Variants in PEAK1 observed in about 807,000 individuals in gnomAD.
PEAK1 encodes pseudopodium enriched atypical kinase 1.
PEAK1 carries 54 observed loss-of-function variants against 124.7 expected under a neutral mutation model. The ratio of observed to expected loss-of-function variants is 0.43; its 90% CI spans 0.35 to 0.54. The LOEUF is 0.54. PEAK1 is among the 20% of genes least tolerant of loss of function. PEAK1 has a pLI of 0.01. For synonymous variants in PEAK1, 719 were observed against 760.0 expected (o/e 0.95, Z 0.89); for missense variants, 2,046 against 2,134.5 (o/e 0.96, Z 0.82).
At chr15:77,193,768 C>A (rs760238202) in intron 6 of PEAK1, among the ~76,000 whole-genome samples, 1 of 152,152 alleles carries the variant, frequency 6.6e-6, no homozygotes, top group Non-Finnish European at 1.5e-5. Flanking sequence ...TGCACCACTG[C>A]ACTCCAGCCT....
intron 5 of PEAK1, among the ~76,000 whole-genome samples, chr15:77,254,924 A>G (rs1414862875): frequency 1.3e-5 from 2 of 152,172 alleles, no homozygotes; most frequent in African/African-American, 4.8e-5. Flanking sequence ...GAGATCTTCA[A>G]TGCTCTGAAA....
rs563962815 is a variant in PEAK1, at chr15:77,411,859, G to A, written c.-666+8147C>T. On this transcript the variant is annotated intron_variant, in intron 1 of 9. Coordinates refer to ENST00000682557, the MANE Select transcript of PEAK1 (RefSeq NM_001385026.1). ...ATTCCTGGCCTCAAGTGATCCTCCC[G>A]CCTCATCCTCCAAAAGAGCTGAGAT... 3.9e-5 allele frequency among the ~76,000 whole-genome samples: 6 copies of A among 152,006 alleles called. No homozygotes were observed. In the East Asian group the frequency reaches 5.8e-4, roughly 15 times the overall value.
chr15:77,395,803 C>T (rs2070835425), intron 1 of PEAK1, among the ~76,000 whole-genome samples: 1 of 152,076 alleles, frequency 6.6e-6, no homozygotes, highest in African/African-American at 2.4e-5. Context: ...CAGACCCCTT[C>T]TATGATAAAT....
At position 77,351,902 on chromosome 15, in the gene PEAK1, T is replaced by C. The variant is rs141307228; in HGVS notation, c.-603+13261A>G. 3.0e-5 allele frequency: 30 copies of C among 985,346 alleles called. No homozygotes were observed. The African/African-American group carries it at 5.1e-4, about 17-fold the overall frequency. The allele number at this position is 985,346 out of a possible 1,614,324, so 61.0% of individuals were successfully genotyped here. A position where few individuals can be genotyped will look rare whatever the true frequency, so the allele number is the denominator to read the frequency against. On this transcript the variant is annotated intron_variant, in intron 2 of 9. Transcript: ENST00000682557. Reference sequence around the variant, plus strand: ...CAGAAAGAATAAAGTCTAAAGGTAATGAAGTCTGGTAGACCTATTATAAGA... The same window carrying C: ...CAGAAAGAATAAAGTCTAAAGGTAACGAAGTCTGGTAGACCTATTATAAGA...
intron 8 of PEAK1, among the ~76,000 whole-genome samples, chr15:77,134,088 G>T (rs2053115515): frequency 6.6e-6 from 1 of 152,124 alleles, no homozygotes; most frequent in African/African-American, 2.4e-5. Flanking sequence ...GAATATTAAG[G>T]GATGACAGAC....
At chr15:77,178,581 A>G in intron 7 of PEAK1, 1 of 571,864 alleles carries the variant, frequency 1.7e-6, no homozygotes, top group Non-Finnish European at 2.9e-6. Context: ...TACTTAAGCC[A>G]AAGATCCAGG....
At chr15:77,290,560 CTT>C (rs879445541) in intron 2 of PEAK1, among the ~76,000 whole-genome samples, 2 of 145,276 alleles carry the variant, frequency 1.4e-5, no homozygotes, top group Non-Finnish European at 3.0e-5. Context: ...GCTTCTTCTT[CTT>C]TTTTTTTTTT....
At chr15:77,283,253 T>G (rs533078477) in intron 5 of PEAK1, among the ~76,000 whole-genome samples, 6 of 152,360 alleles carry the variant, frequency 3.9e-5, no homozygotes, top group African/African-American at 1.4e-4. Context: ...GCTGTTTTCC[T>G]TATTTGATTA....
rs778104402 is a variant in PEAK1 at position 77,180,495 on chromosome 15, C to T, written c.1432G>A (p.Val478Met). The change falls in exon 7 of 10, where the codon GTG becomes ATG. Residue 478 changes from valine to methionine, a missense_variant. Transcript: ENST00000682557. ...EQPLCKPYTVVDVSAAMASEH... is the reference protein window; with the variant it reads ...EQPLCKPYTVMDVSAAMASEH... The stretch of plus-strand genomic sequence containing the variant: ...CTGGCCATGGCTGCTGACACATCCA[C>T]GACAGTATATGGCTTGCACAATGGC... 8.7e-6 allele frequency: 14 copies of T among 1,614,068 alleles called. No homozygotes were observed. The highest frequency in any genetic ancestry group is 4.5e-5 in the East Asian group (2 of 44,870).
chr15:77,313,702 A>ATATATATATATG (rs1213561861), intron 2 of PEAK1, among the ~76,000 whole-genome samples: 2 of 119,444 alleles, frequency 1.7e-5, no homozygotes, highest in African/African-American at 7.2e-5. Flanking sequence ...GTATATATAT[A>ATATATATATATG]TATGTATGTG....
In PEAK1 at chr15:77,403,011, C is replaced by T. The variant is rs16968819; in HGVS notation, c.-666+16995G>A. 1,069 of 985,326 alleles carry T rather than the reference C, an allele frequency of 1.1e-3. 8 individuals are homozygous for T. In the African/African-American group the frequency reaches 0.017, roughly 15 times the overall value. 61.0% of individuals were successfully genotyped at this position (985,326 alleles called of 1,614,324 possible). ...GCTCTTGCATTATGATTTTGTTATA[C>T]TTCCACTCTAAGCAATGATGAAATG... On this transcript the variant is annotated intron_variant, in intron 1 of 9. Coordinates refer to ENST00000682557, the MANE Select transcript of PEAK1 (RefSeq NM_001385026.1).
intron 1 of PEAK1, chr15:77,404,668 T>C: frequency 1.0e-6 from 1 of 954,508 alleles, no homozygotes; most frequent in Non-Finnish European, 1.2e-6. Context: ...TTCGAGACTA[T>C]AAAGAGTCTG....
At chr15:77,262,690 C>T (rs201399422) in intron 5 of PEAK1, among the ~76,000 whole-genome samples, 2 of 151,830 alleles carry the variant, frequency 1.3e-5, no homozygotes, top group Admixed American at 6.6e-5. Flanking sequence ...ATTAGACAGA[C>T]CAACGAGACA....
intron 7 of PEAK1, among the ~76,000 whole-genome samples, chr15:77,168,752 TTCC>T (rs2056304479): frequency 6.6e-6 from 1 of 152,198 alleles, no homozygotes; most frequent in South Asian, 2.1e-4. Context: ...ATGCATAGCA[TTCC>T]TAAGTGTGCA....
At chr15:77,335,537 T>C (rs2066146171) in intron 2 of PEAK1, 1 of 961,860 alleles carries the variant, frequency 1.0e-6, no homozygotes, top group Non-Finnish European at 1.2e-6. Context: ...TGGATCACAG[T>C]GACATGATCA....
Position 77,152,753 on chromosome 15 carries a change from G to T in PEAK1, c.3331+5750C>A, listed in dbSNP as rs536649577. On this transcript the variant is annotated intron_variant, in intron 8 of 9. Transcript: ENST00000682557. ...CTGTATCTATTGAGATAATCATGTG[G>T]TTTTTGTCTTTGGTTCTGTTTATAT... Among the ~76,000 whole-genome samples, 10 of 152,226 alleles carry T rather than the reference G, an allele frequency of 6.6e-5. No individual in the cohort carries two copies. The East Asian group carries it at 1.9e-3, about 29-fold the overall frequency.
intron 2 of PEAK1, among the ~76,000 whole-genome samples, chr15:77,305,078 G>A (rs1441913313): frequency 6.6e-6 from 1 of 151,388 alleles, no homozygotes; most frequent in African/African-American, 2.4e-5. Context: ...AGGAGGTTGA[G>A]GCTATAGTAA....
chr15:77,368,517 C>CA (rs796647295), intron 1 of PEAK1, among the ~76,000 whole-genome samples: 1,403 of 124,020 alleles, frequency 0.011, 4 homozygotes, highest in Middle Eastern at 0.038. Context: ...GATGCCATCT[C>CA]AAAAAAAAAA....
At chr15:77,249,580 A>G (rs1469450454) in intron 6 of PEAK1, among the ~76,000 whole-genome samples, 1 of 152,216 alleles carries the variant, frequency 6.6e-6, no homozygotes, top group Non-Finnish European at 1.5e-5. Context: ...CCAGAAAAAT[A>G]TGTAAATGTA....
Sources: gnomAD v4.1 joint callset for allele counts (sites outside exome capture counted in the v4.1 genomes callset) on GRCh38, gnomAD v4.1.1 for gene constraint, MANE v1.5 for transcripts, NCBI Gene and HGNC (gene_info 2026-07-23, HGNC 2026-07-21) for gene names.